IL15: variants seen among roughly 807,000 people sequenced by gnomAD.
IL15 encodes the protein interleukin-15.
In IL15, 11 loss-of-function variants were observed where a neutral mutation model predicts 19.6. The ratio of observed to expected loss-of-function variants is 0.56; its 90% CI spans 0.35 to 0.93. The LOEUF is 0.93. IL15 is among the 40% of genes least tolerant of loss of function. The pLI, the probability that IL15 is intolerant of heterozygous loss-of-function variation, is 0.01. For missense variants in IL15, 197 were observed against 186.5 expected (o/e 1.06, Z -0.33); for synonymous variants, 58 against 59.6 (o/e 0.97, Z 0.12).
At chr4:141,674,520 A>G (rs1728276228) in intron 2 of IL15, among the ~76,000 whole-genome samples, 1 of 152,142 alleles carries the variant, frequency 6.6e-6, no homozygotes, top group Admixed American at 6.6e-5. Context: ...AGGGAGGCGG[A>G]GATTGCAGTG....
At chr4:141,701,938 A>G (rs148026833) in intron 2 of IL15, among the ~76,000 whole-genome samples, 7 of 152,212 alleles carry the variant, frequency 4.6e-5, no homozygotes, top group African/African-American at 1.7e-4. Flanking sequence ...GAATATGGAG[A>G]GTACTCCCCC....
At chr4:141,720,775 C>T (rs2152189876) in intron 4 of IL15, 1 of 582,390 alleles carries the variant, frequency 1.7e-6, no homozygotes, top group East Asian at 3.0e-5. Context: ...ATAGTCCAAA[C>T]AAGCATTATA....
At chr4:141,664,497 A>G (rs1430632345) in intron 2 of IL15, among the ~76,000 whole-genome samples, 1 of 152,082 alleles carries the variant, frequency 6.6e-6, no homozygotes, top group African/African-American at 2.4e-5. Context: ...TATATTAAGA[A>G]CTTTTAGAAA....
rs117741793 is a variant in IL15 at position 141,686,417 on chromosome 4, C to G, written c.-100+30110C>G. ...AAGGTGCATCAAAATAATAAATTTCCTATTTCATTATCGTCCAGAATTTAA... is the reference window on the plus strand; with the variant it reads ...AAGGTGCATCAAAATAATAAATTTCGTATTTCATTATCGTCCAGAATTTAA... On this transcript the variant is annotated intron_variant, in intron 2 of 7. Transcript: ENST00000320650. Among the ~76,000 whole-genome samples the G allele has an allele frequency of 6.5e-4, 99 of 152,160 alleles. 1 individual carries two copies. The East Asian group carries it at 0.019, about 28-fold the overall frequency.
intron 2 of IL15, among the ~76,000 whole-genome samples, chr4:141,689,361 C>A (rs570250140): frequency 6.6e-6 from 1 of 152,234 alleles, no homozygotes; most frequent in South Asian, 2.1e-4. Flanking sequence ...CTGATTGGTG[C>A]GTTTACAATC....
chr4:141,723,271 T>C (rs531337197), intron 5 of IL15, among the ~76,000 whole-genome samples: 16 of 152,300 alleles, frequency 1.1e-4, no homozygotes, highest in Admixed American at 9.8e-4. Context: ...TGAAATAATA[T>C]CTTTGCAAAT....
chr4:141,665,276 G>A (rs558496406), intron 2 of IL15, among the ~76,000 whole-genome samples: 5 of 152,096 alleles, frequency 3.3e-5, no homozygotes, highest in East Asian at 1.9e-4. Flanking sequence ...AATGCTAAAC[G>A]TTTAATAAGA....
chr4:141,669,012 T>G (rs890065581), intron 2 of IL15, among the ~76,000 whole-genome samples: 6 of 152,196 alleles, frequency 3.9e-5, no homozygotes, highest in African/African-American at 1.4e-4. Flanking sequence ...TTTGTCATCT[T>G]AATGGCAATC....
chr4:141,645,032 C>T (rs941992573), intron 1 of IL15, among the ~76,000 whole-genome samples: 13 of 152,078 alleles, frequency 8.5e-5, no homozygotes, highest in Non-Finnish European at 1.2e-4. Context: ...TTTGCAGTGG[C>T]GTAGCCTGCT....
intron 2 of IL15, among the ~76,000 whole-genome samples, chr4:141,680,656 A>C (rs979337014): frequency 6.6e-6 from 1 of 152,188 alleles, no homozygotes; most frequent in African/African-American, 2.4e-5. Context: ...GCTCTGAGTT[A>C]AAACAAACAC....
chr4:141,713,632 T>G (rs1729780064), intron 2 of IL15, among the ~76,000 whole-genome samples: 1 of 152,240 alleles, frequency 6.6e-6, no homozygotes, highest in African/African-American at 2.4e-5. Flanking sequence ...CACAGTCATC[T>G]GAAAACACAC....
chr4:141,712,693 A>G (rs1411921422), intron 2 of IL15, among the ~76,000 whole-genome samples: 1 of 149,168 alleles, frequency 6.7e-6, no homozygotes, highest in Non-Finnish European at 1.5e-5. Context: ...TTCTATATTT[A>G]CCCACTATCT....
intron 2 of IL15, among the ~76,000 whole-genome samples, chr4:141,668,589 A>C (rs575624928): frequency 6.6e-6 from 1 of 152,202 alleles, no homozygotes; most frequent in East Asian, 1.9e-4. Context: ...CACCAAATCC[A>C]CTCTCAATCC....
At chr4:141,636,889 C>G (rs567698126) in intron 1 of IL15, 141 bp downstream of exon 1, 1 of 152,548 alleles carries the variant, frequency 6.6e-6, no homozygotes, top group African/African-American at 2.4e-5. Context: ...CGAGCTGCCC[C>G]GCCTTCTCAT....
intron 2 of IL15, among the ~76,000 whole-genome samples, chr4:141,664,266 A>G (rs1560907643): frequency 6.6e-6 from 1 of 151,582 alleles, no homozygotes; most frequent in Non-Finnish European, 1.5e-5. Context: ...GTTTCTAACC[A>G]TTACTCAATT....
intron 1 of IL15, among the ~76,000 whole-genome samples, chr4:141,637,903 A>G (rs763522537): frequency 3.9e-5 from 6 of 152,194 alleles, no homozygotes; most frequent in Non-Finnish European, 8.8e-5. Flanking sequence ...TTACAGAATA[A>G]ACTGGTGATT....
intron 2 of IL15, chr4:141,718,244 C>T (rs949717043): frequency 1.3e-5 from 2 of 151,984 alleles, no homozygotes; most frequent in African/African-American, 4.8e-5. Flanking sequence ...ATTATATCAC[C>T]CATGGCATTG....
chr4:141,698,686 CTT>C (rs752701902), intron 2 of IL15, among the ~76,000 whole-genome samples: 3 of 152,134 alleles, frequency 2.0e-5, no homozygotes, highest in South Asian at 4.1e-4. Flanking sequence ...TGTAATATCT[CTT>C]GTTTCATTTC....
intron 5 of IL15, among the ~76,000 whole-genome samples, chr4:141,724,778 T>G (rs1013641597): frequency 5.9e-5 from 9 of 152,118 alleles, no homozygotes; most frequent in Admixed American, 5.9e-4. Context: ...AACACTCATA[T>G]AATCACTAAA....
Sources: gnomAD v4.1 joint callset for allele counts (sites outside exome capture counted in the v4.1 genomes callset) on GRCh38, gnomAD v4.1.1 for gene constraint, MANE v1.5 for transcripts, NCBI Gene and HGNC (gene_info 2026-07-23, HGNC 2026-07-21) for gene names.